CLDN14: variants seen among roughly 807,000 people sequenced by gnomAD.
The protein encoded by CLDN14 is claudin 14.
CLDN14 carries 2 observed loss-of-function variants against 2.1 expected under a neutral mutation model. That is an observed-to-expected ratio of 0.96 (90% CI 0.39 to 3.01). The LOEUF is 3.01. CLDN14 is among the 30% of genes most tolerant of loss of function. The pLI is 0.09. For synonymous variants in CLDN14, 136 were observed against 154.4 expected (o/e 0.88, Z 0.88); for missense variants, 298 against 328.0 (o/e 0.91, Z 0.71).
chr21:36,514,622 A>AGTGTGTGTGTGT (rs34558148), intron 1 of CLDN14, among the ~76,000 whole-genome samples: 1 of 33,658 alleles, frequency 3.0e-5, no homozygotes, highest in African/African-American at 6.5e-5. Context: ...CGTGAGAGAA[A>AGTGTGTGTGTGT]GTGTGTGTGT....
intron 1 of CLDN14, among the ~76,000 whole-genome samples, chr21:36,559,575 T>C (rs2087620647): frequency 6.6e-6 from 1 of 152,220 alleles, no homozygotes; most frequent in Admixed American, 6.5e-5. Flanking sequence ...GTGATTTTTT[T>C]TGATAACATG....
intron 1 of CLDN14, among the ~76,000 whole-genome samples, chr21:36,563,819 T>A (rs1310314353): frequency 6.6e-6 from 1 of 152,190 alleles, no homozygotes; most frequent in Non-Finnish European, 1.5e-5. Flanking sequence ...CGTGGTCTCC[T>A]CTGGGACCTA....
rs138774546 is a variant in CLDN14 at position 36,521,883 on chromosome 21, T to A, written c.-219-11383A>T. Among the ~76,000 whole-genome samples, 12 of 152,290 alleles carry A rather than the reference T, an allele frequency of 7.9e-5. No individual in the cohort carries two copies. The East Asian group carries it at 2.3e-3, about 29-fold the overall frequency. The stretch of plus-strand genomic sequence containing the variant: ...AAGGAAAATGGCAGCATCGTCACGA[T>A]TCCCCAAATGAAAATCACATTGGAA... On this transcript the variant is annotated intron_variant, in intron 1 of 2. Coordinates refer to the CLDN14 transcript ENST00000342108.
chr21:36,564,735 C>T (rs1272658482), intron 1 of CLDN14, among the ~76,000 whole-genome samples: 1 of 152,208 alleles, frequency 6.6e-6, no homozygotes, highest in African/African-American at 2.4e-5. Context: ...AGGTTGCTAA[C>T]CAGGTGACTT....
intron 1 of CLDN14, among the ~76,000 whole-genome samples, chr21:36,463,941 C>T (rs183167070): frequency 1.3e-5 from 2 of 152,150 alleles, no homozygotes; most frequent in African/African-American, 4.8e-5. Context: ...AACAAAACAA[C>T]GTGGTGCCTC....
At position 36,536,926 on chromosome 21, in the gene CLDN14, C is replaced by T. The variant is rs990151299; in HGVS notation, c.-219-26426G>A. 3.3e-5 allele frequency among the ~76,000 whole-genome samples: 5 copies of T among 152,214 alleles called. No homozygotes were observed. In the East Asian group the frequency reaches 5.8e-4, roughly 18 times the overall value. On this transcript the variant is annotated intron_variant, in intron 1 of 2. Transcript: ENST00000342108. Reference sequence around the variant, plus strand: ...AAAACCTGGGCCAGGCTTGGTGGCTCACACCTGTAATCCCAGCACTTTGGG... The same window carrying T: ...AAAACCTGGGCCAGGCTTGGTGGCTTACACCTGTAATCCCAGCACTTTGGG...
chr21:36,559,975 A>T (rs1017057068), intron 1 of CLDN14, among the ~76,000 whole-genome samples: 5 of 152,216 alleles, frequency 3.3e-5, no homozygotes, highest in African/African-American at 1.2e-4. Context: ...AGAGAAAAAA[A>T]GAATAAATAC....
intron 1 of CLDN14, among the ~76,000 whole-genome samples, chr21:36,560,854 C>T (rs2146523581): frequency 6.6e-6 from 1 of 152,210 alleles, no homozygotes; most frequent in East Asian, 1.9e-4. Flanking sequence ...AAGCCTAGTC[C>T]CATCCATAAC....
chr21:36,553,281 A>T (rs1359897540), intron 1 of CLDN14, among the ~76,000 whole-genome samples: 1 of 152,090 alleles, frequency 6.6e-6, no homozygotes, highest in Non-Finnish European at 1.5e-5. Context: ...TTCCTGAAGT[A>T]GGAGGTGCAA....
intron 2 of CLDN14, chr21:36,486,380 G>A (rs1186618430): frequency 5.2e-6 from 5 of 962,294 alleles, no homozygotes; most frequent in South Asian, 1.4e-5. Flanking sequence ...CAGCAGCAGA[G>A]GCTGCAGCTG....
At chr21:36,494,400 G>GGA (rs1400996589) in intron 2 of CLDN14, among the ~76,000 whole-genome samples, 1 of 152,206 alleles carries the variant, frequency 6.6e-6, no homozygotes, top group Non-Finnish European at 1.5e-5. Flanking sequence ...CTCACGAGGA[G>GGA]GAGAACTAAA....
chr21:36,566,081 A>G lies in CLDN14; in HGVS notation c.-220+10330T>C, dbSNP rs189294136. Among the ~76,000 whole-genome samples, 559 of 152,306 alleles carry G rather than the reference A, an allele frequency of 3.7e-3. 2 individuals carry two copies. Among genetic ancestry groups the G allele is most frequent in the Non-Finnish European group, 4.7e-3 (318 of 68,014 alleles). The stretch of plus-strand genomic sequence containing the variant: ...TAGCATGTCTAATTTTATATCTATC[A>G]TACAGAAGGAAGTTAGTAAATCCCA... On this transcript the variant is annotated intron_variant, in intron 1 of 2. Coordinates refer to the CLDN14 transcript ENST00000342108.
At chr21:36,563,743 G>T (rs1365406211) in intron 1 of CLDN14, among the ~76,000 whole-genome samples, 6 of 152,158 alleles carry the variant, frequency 3.9e-5, no homozygotes, top group Admixed American at 3.9e-4. Context: ...CGAAAGACAC[G>T]TGGAGCCTTT....
At chr21:36,524,873 T>C (rs1477369511) in intron 1 of CLDN14, among the ~76,000 whole-genome samples, 1 of 152,178 alleles carries the variant, frequency 6.6e-6, no homozygotes, top group Non-Finnish European at 1.5e-5. Flanking sequence ...CCATCTTTTC[T>C]CAGCTCCTTC....
Position 36,460,677 on chromosome 21 carries a change from G to T in CLDN14, c.*299C>A. 3.0e-6 allele frequency: 1 copy of T among 338,216 alleles called. No individual in the cohort carries two copies. The highest frequency in any genetic ancestry group is 5.5e-6 in the Non-Finnish European group (1 of 180,654). The allele number at this position is 338,216 out of a possible 1,614,324, so 21.0% of individuals were successfully genotyped here. On this transcript the variant is annotated 3_prime_UTR_variant, in exon 2 of 2. Coordinates refer to ENST00000399135, the MANE Select transcript of CLDN14 (RefSeq NM_001146079.2). This position sits in a 1 kb window ranked among gnomAD's most constrained non-coding sequence, Gnocchi z 4.0. ...TCCTGGATCACAAACCAACCCCACTGACCAAACTCCCAAGTCACTTTATAT... is the reference window on the plus strand; with the variant it reads ...TCCTGGATCACAAACCAACCCCACTTACCAAACTCCCAAGTCACTTTATAT...
At chr21:36,470,468 G>T (rs1055043792) in intron 1 of CLDN14, among the ~76,000 whole-genome samples, 1 of 152,152 alleles carries the variant, frequency 6.6e-6, no homozygotes, top group Non-Finnish European at 1.5e-5. Context: ...CCAGCAACCC[G>T]CAGAGGCCCA....
chr21:36,527,883 G>A (rs1334475410), intron 1 of CLDN14, among the ~76,000 whole-genome samples: 1 of 151,926 alleles, frequency 6.6e-6, no homozygotes, highest in African/African-American at 2.4e-5. Context: ...TGGTTTTTAG[G>A]AAGAATCCTG....
At chr21:36,532,657 G>T (rs2087390736) in intron 1 of CLDN14, among the ~76,000 whole-genome samples, 1 of 152,102 alleles carries the variant, frequency 6.6e-6, no homozygotes, top group Admixed American at 6.5e-5. Flanking sequence ...TCTAATTTAA[G>T]CCTTGCAGGG....
intron 1 of CLDN14, among the ~76,000 whole-genome samples, chr21:36,538,724 T>C (rs1016414067): frequency 3.3e-5 from 5 of 151,866 alleles, no homozygotes; most frequent in South Asian, 4.2e-4. Flanking sequence ...ATCAGGATGC[T>C]GCAGTGCTCC....
Sources: allele counts gnomAD v4.1 joint callset (sites outside exome capture counted in the v4.1 genomes callset), GRCh38; gene constraint gnomAD v4.1.1; non-coding constraint Gnocchi (gnomAD v3.1); transcripts MANE v1.5; gene names NCBI Gene and HGNC (gene_info 2026-07-23, HGNC 2026-07-21).